Variants in BRME1 observed in about 807,000 individuals in gnomAD.
The protein encoded by BRME1 is break repair meiotic recombinase recruitment factor 1.
BRME1 carries 31 observed loss-of-function variants against 52.6 expected under a neutral mutation model. That is an observed-to-expected ratio of 0.59 (90% confidence interval 0.44 to 0.80). The LOEUF (loss-of-function observed/expected upper bound fraction) is 0.80, where lower values mean the gene tolerates loss of function less well. Among genes scored for constraint, BRME1 ranks in the 30% least tolerant of loss-of-function variants. The pLI is 0.00. For missense variants in BRME1, 804 were observed against 860.3 expected (o/e 0.93, Z 0.82); for synonymous variants, 359 against 353.6 (o/e 1.02, Z -0.17).
rs763163182 is a variant in BRME1, at chr19:13,889,371, C to T, written c.1485G>A (p.Glu495=). Residue 495 remains glutamate, a synonymous_variant, in exon 6 of 9, where the codon GAG becomes GAA. Coordinates refer to ENST00000586783, the MANE Select transcript of BRME1 (RefSeq NM_001345843.2). Reference sequence around the variant, plus strand: ...CTGGAATGCCCTGCTGAGCCCCGGGCTCCTGGAGAGGGTCGTCTGCTATTT... The same window carrying T: ...CTGGAATGCCCTGCTGAGCCCCGGGTTCCTGGAGAGGGTCGTCTGCTATTT... ...HREIADDPLQ[E]PGAQQGIPDT... 6.2e-7 allele frequency: 1 copy of T among 1,614,100 alleles called. No homozygotes were observed. Among genetic ancestry groups the T allele is most frequent in the African/African-American group, 1.3e-5 (1 of 75,042 alleles).
intron 5 of BRME1, among the ~76,000 whole-genome samples, chr19:13,892,243 A>C (rs1969554839): frequency 1.3e-5 from 2 of 152,252 alleles, no homozygotes; most frequent in South Asian, 4.2e-4. Flanking sequence ...GGTGAAGCTA[A>C]AACAGAGAAC....
Position 13,889,786 on chromosome 19 carries a change from GC to G in BRME1, c.1069del (p.Ala357LeufsTer56). 1 of 1,612,428 alleles carries G rather than the reference GC, an allele frequency of 6.2e-7. No homozygotes were observed. Among genetic ancestry groups the G allele is most frequent in the South Asian group, 1.1e-5 (1 of 91,086 alleles). On this transcript the variant is annotated frameshift_variant, in exon 6 of 9. Coordinates refer to ENST00000586783, the MANE Select transcript of BRME1 (RefSeq NM_001345843.2). LOFTEE classifies it high-confidence loss of function. ...GGCACTGGCCTGCCCATCGGGCCCA[GC>G]CACCTCCAGAGCCCTCTCTTCCAGC... The part of the protein sequence containing the change: ...TELEERALEV[A>X]GPDGQASAIS...
At position 13,883,209 on chromosome 19, in the gene BRME1, G is replaced by T; in HGVS notation, c.1856+99C>A. 8.5e-7 allele frequency: 1 copy of T among 1,174,824 alleles called. No homozygotes were observed. The highest frequency in any genetic ancestry group is 1.2e-6 in the Non-Finnish European group (1 of 833,744). 72.8% of individuals were successfully genotyped at this position (1,174,824 alleles called of 1,614,324 possible). ...AGCAGTGAGGTGCCTGACCCTCGCT[G>T]CCCACCTAGGGGCTTCACACTTCAG... is the stretch of plus-strand genomic sequence containing the variant. On this transcript the variant is annotated intron_variant, in intron 8 of 8. Transcript: ENST00000586783. This position sits in a 1 kb window ranked among gnomAD's most constrained non-coding sequence, Gnocchi z 4.2.
At position 13,883,703 on chromosome 19, in the gene BRME1, G is replaced by C. The variant is rs1289998585; in HGVS notation, c.1764-303C>G. 1 of 343,260 alleles carries C rather than the reference G, an allele frequency of 2.9e-6. No individual in the cohort carries two copies. The highest frequency in any genetic ancestry group is 2.1e-5 in the African/African-American group (1 of 47,874). The allele number at this position is 343,260 out of a possible 1,614,324, so 21.3% of individuals were successfully genotyped here. On this transcript the variant is annotated intron_variant, in intron 7 of 8. Coordinates refer to ENST00000586783, the MANE Select transcript of BRME1 (RefSeq NM_001345843.2). This position sits in a 1 kb window ranked among gnomAD's most constrained non-coding sequence, Gnocchi z 4.2. ...TGGGGGCTGTGAACTTGGAAACCTA[G>C]CTCAGAGGCAAGCCCTCTCCTCCCG...
At chr19:13,894,926 G>A (rs752172068) in intron 3 of BRME1, among the ~76,000 whole-genome samples, 1 of 152,114 alleles carries the variant, frequency 6.6e-6, no homozygotes, top group African/African-American at 2.4e-5. Flanking sequence ...TGTTGCCCAG[G>A]CTGGAGCGTA....
intron 2 of BRME1, among the ~76,000 whole-genome samples, chr19:13,895,758 C>A (rs950878501): frequency 6.6e-6 from 1 of 152,136 alleles, no homozygotes; most frequent in African/African-American, 2.4e-5. Flanking sequence ...ATGCACACCA[C>A]CAAGGGCAGA....
Position 13,889,260 on chromosome 19 carries a change from T to C in BRME1, c.1596A>G (p.Glu532=), listed in dbSNP as rs760603876. 1 of 1,613,656 alleles carries C rather than the reference T, an allele frequency of 6.2e-7. No individual in the cohort carries two copies. The highest frequency in any genetic ancestry group is 1.3e-5 in the African/African-American group (1 of 74,876). The change falls in exon 6 of 9, where the codon GAA becomes GAG. Residue 532 remains glutamate (E), a synonymous_variant. Coordinates refer to ENST00000586783, the MANE Select transcript of BRME1 (RefSeq NM_001345843.2). The stretch of plus-strand genomic sequence containing the variant: ...TCTGGCTGTCCAGCAGGAAGTCGAG[T>C]TCCACAGCTAAAGAGTCTGCCCAGG... ...QGTWADSLAV[E]LDFLLDSQIQ...
intron 2 of BRME1, among the ~76,000 whole-genome samples, chr19:13,900,814 GAC>G (rs1970245047): frequency 6.6e-6 from 1 of 151,704 alleles, no homozygotes; most frequent in Admixed American, 6.6e-5. Flanking sequence ...TGGGATTACA[GAC>G]ACATGCCACC....
intron 6 of BRME1, among the ~76,000 whole-genome samples, chr19:13,886,401 T>C (rs1287456743): frequency 1.3e-5 from 2 of 152,208 alleles, no homozygotes; most frequent in Non-Finnish European, 2.9e-5. Flanking sequence ...TGCAGTCTCC[T>C]GCATGCCCCT....
chr19:13,883,449 C>T lies in BRME1; in HGVS notation c.1764-49G>A, dbSNP rs765163132. 59 of 1,356,402 alleles carry T rather than the reference C, an allele frequency of 4.3e-5. 1 individual carries two copies. In the South Asian group the frequency reaches 7.2e-4, roughly 17 times the overall value. The allele number at this position is 1,356,402 out of a possible 1,614,324, so 84.0% of individuals were successfully genotyped here. ...AGAGTGGCCCGACCTCACTGGACTA[C>T]CAGAGCTCTCCAGTGGGAGGGGCTT... On this transcript the variant is annotated intron_variant, in intron 7 of 8. Transcript: ENST00000586783. The surrounding 1 kb of genome is among the most constrained non-coding windows in gnomAD (Gnocchi z 4.2).
rs1326643716 is a variant in BRME1, at chr19:13,883,960, TCTG to T, written c.1764-563_1764-561del. 6.6e-6 allele frequency among the ~76,000 whole-genome samples: 1 copy of T among 152,090 alleles called. No individual in the cohort carries two copies. Among genetic ancestry groups the T allele is most frequent in the Non-Finnish European group, 1.5e-5 (1 of 68,018 alleles). On this transcript the variant is annotated intron_variant, in intron 7 of 8. Coordinates refer to ENST00000586783, the MANE Select transcript of BRME1 (RefSeq NM_001345843.2). This position sits in a 1 kb window ranked among gnomAD's most constrained non-coding sequence, Gnocchi z 4.2. ...AACACTCTGCCATCTGACTATCTAA[TCTG>T]CTGTCTCTCATGTCCCCACACCCCG...
rs543840161 is a variant in BRME1 at position 13,894,192 on chromosome 19, A to G, written c.207-969T>C. On this transcript the variant is annotated intron_variant, in intron 3 of 8. Coordinates refer to ENST00000586783, the MANE Select transcript of BRME1 (RefSeq NM_001345843.2). ...AAAGGAAATTGTGGATGCAAGAAAC[A>G]TAGTGTCTTTAAAAACTAGTGAAAC... is the stretch of plus-strand genomic sequence containing the variant. Among the ~76,000 whole-genome samples the G allele has an allele frequency of 1.8e-4, 27 of 152,248 alleles. 1 individual carries two copies. The highest frequency in any genetic ancestry group is 4.8e-4 in the African/African-American group (20 of 41,540).
In BRME1 at chr19:13,882,613, G is replaced by T; in HGVS notation, c.*189C>A. The T allele has an allele frequency of 1.5e-6, 1 of 675,942 alleles. No homozygotes were observed. Among genetic ancestry groups the T allele is most frequent in the Non-Finnish European group, 2.5e-6 (1 of 405,508 alleles). The allele number at this position is 675,942 out of a possible 1,614,324, so 41.9% of individuals were successfully genotyped here. A position where few individuals can be genotyped will look rare whatever the true frequency, so the allele number is the denominator to read the frequency against. ...GTTTCCCTCCCTGAAGCCAAGGGTG[G>T]CAAATGACCTTGACCCTGGCCAGGT... On this transcript the variant is annotated 3_prime_UTR_variant, in exon 9 of 9. Coordinates refer to ENST00000586783, the MANE Select transcript of BRME1 (RefSeq NM_001345843.2).
At position 13,883,035 on chromosome 19, in the gene BRME1, A is replaced by G; in HGVS notation, c.1857-83T>C. The G allele has an allele frequency of 6.6e-7, 1 of 1,516,330 alleles. No homozygotes were observed. The allele number at this position is 1,516,330 out of a possible 1,614,324, so 93.9% of individuals were successfully genotyped here. A position where few individuals can be genotyped will look rare whatever the true frequency, so the allele number is the denominator to read the frequency against. ...GGCCGCGCCTCACAGCCACATGGTC[A>G]CCAATGACTCAGGTGCACACACACG... On this transcript the variant is annotated intron_variant, in intron 8 of 8. Coordinates refer to ENST00000586783, the MANE Select transcript of BRME1 (RefSeq NM_001345843.2). This position sits in a 1 kb window ranked among gnomAD's most constrained non-coding sequence, Gnocchi z 4.2.
At chr19:13,900,026 G>A (rs893435071) in intron 2 of BRME1, among the ~76,000 whole-genome samples, 1 of 152,114 alleles carries the variant, frequency 6.6e-6, no homozygotes, top group Admixed American at 6.6e-5. Context: ...CTTGTGGTCT[G>A]CCAGAAAAGA....
Position 13,890,113 on chromosome 19 carries a change from T to A in BRME1, c.743A>T (p.Asp248Val). Residue 248 changes from aspartate to valine, a missense_variant, in exon 6 of 9, where the codon GAC (aspartate) becomes GTC (valine). Around this residue, in one of 3 missense-constraint regions of BRME1, gnomAD observed 552 missense variants for 561.1 expected, o/e 0.98. Transcript: ENST00000586783. ...CCCTCCCTCCTGGGGGGCTCCTCTG[T>A]CTGGCTTCTCCCCTTCAGAATCAAT... Reference protein sequence around the residue: ...PSIDSEGEKPDRGAPQEGGAQ... With the variant: ...PSIDSEGEKPVRGAPQEGGAQ... The A allele has an allele frequency of 1.2e-6, 2 of 1,614,158 alleles. No homozygotes were observed. The highest frequency in any genetic ancestry group is 2.2e-5 in the South Asian group (2 of 91,090).
intron 3 of BRME1, among the ~76,000 whole-genome samples, chr19:13,893,743 C>T (rs535900769): frequency 2.0e-5 from 3 of 151,986 alleles, no homozygotes; most frequent in Admixed American, 6.6e-5. Context: ...ATAGTGAGAC[C>T]CCTTTTCTAC....
rs1360570886 is a variant in BRME1, at chr19:13,883,482, G to A, written c.1764-82C>T. The A allele has an allele frequency of 2.9e-6, 3 of 1,039,608 alleles. No individual in the cohort carries two copies. The highest frequency in any genetic ancestry group is 4.3e-6 in the Non-Finnish European group (3 of 702,318). The allele number at this position is 1,039,608 out of a possible 1,614,324, so 64.4% of individuals were successfully genotyped here. A position where few individuals can be genotyped will look rare whatever the true frequency, so the allele number is the denominator to read the frequency against. On this transcript the variant is annotated intron_variant, in intron 7 of 8. Transcript: ENST00000586783. This position sits in a 1 kb window ranked among gnomAD's most constrained non-coding sequence, Gnocchi z 4.2. ...CTCCAGTGGGAGGGGCTTCCGCAGG[G>A]CCTCGCGCCATCTTTTCCAGGTGTC... is the stretch of plus-strand genomic sequence containing the variant.
chr19:13,895,302 T>C (rs749109228), intron 3 of BRME1, 70 bp downstream of exon 3: 2 of 1,486,634 alleles, frequency 1.3e-6, no homozygotes, highest in Non-Finnish European at 1.8e-6. Context: ...AAAGCATTGC[T>C]GTCTGCTGAG....
Sources: gnomAD v4.1 joint callset for allele counts (sites outside exome capture counted in the v4.1 genomes callset) on GRCh38, gnomAD v4.1.1 for gene constraint, gnomAD v4.1.1 regional missense constraint, Gnocchi (gnomAD v3.1) non-coding constraint, MANE v1.5 for transcripts, NCBI Gene and HGNC (gene_info 2026-07-23, HGNC 2026-07-21) for gene names.